EIF4ENIF1: variants seen among roughly 807,000 people sequenced by gnomAD.
The protein encoded by EIF4ENIF1 is eukaryotic translation initiation factor 4E transporter.
EIF4ENIF1 carries 23 observed loss-of-function variants against 110.5 expected under a neutral mutation model. That is an observed-to-expected ratio of 0.21 (90% confidence interval 0.15 to 0.29). The LOEUF (loss-of-function observed/expected upper bound fraction) is 0.29. EIF4ENIF1 is among the 10% of genes least tolerant of loss of function. The pLI is 1.00. For missense variants in EIF4ENIF1, 1,031 were observed against 1,221.1 expected (o/e 0.84, Z 2.32); for synonymous variants, 440 against 437.0 (o/e 1.01, Z -0.09).
intron 2 of EIF4ENIF1, among the ~76,000 whole-genome samples, chr22:31,474,956 G>A (rs1304219251): frequency 1.3e-5 from 2 of 152,116 alleles, no homozygotes; most frequent in Non-Finnish European, 2.9e-5. Context: ...TCAACATCTT[G>A]GGGTGAGGAT....
Position 31,444,677 on chromosome 22 carries a change from T to C in EIF4ENIF1, c.2002A>G (p.Thr668Ala). The change falls in exon 15 of 19, where the codon ACC (threonine) becomes GCC (alanine). Residue 668 changes from threonine to alanine, a missense_variant. Physicochemically the swap from Thr to Ala is moderately conservative, Grantham distance 58 (BLOSUM62 0). This residue lies in a region of EIF4ENIF1 where 704 missense variants were observed against 879.7 expected (regional missense o/e 0.80). Coordinates refer to ENST00000330125, the MANE Select transcript of EIF4ENIF1 (RefSeq NM_019843.4). ...DGFRNRQQRV[T>A]KSPAPVHRGN... ...CGATGCACGGGTGCTGGTGACTTGGTCACTCGCTGTTGCCTGTGAACAAAC... is the reference window on the plus strand; with the variant it reads ...CGATGCACGGGTGCTGGTGACTTGGCCACTCGCTGTTGCCTGTGAACAAAC... The C allele has an allele frequency of 1.2e-6, 2 of 1,614,094 alleles. No homozygotes were observed. The highest frequency in any genetic ancestry group is 1.3e-5 in the African/African-American group (1 of 75,042).
upstream of EIF4ENIF1, among the ~76,000 whole-genome samples, chr22:31,492,216 C>T (rs866743180): frequency 5.9e-5 from 9 of 152,308 alleles, no homozygotes; most frequent in African/African-American, 2.2e-4. Flanking sequence ...CATATAGTTG[C>T]TGTATTGCCT....
chr22:31,477,684 A>C lies in EIF4ENIF1; in HGVS notation c.97-5767T>G, dbSNP rs1254791241. Reference sequence around the variant, plus strand: ...CACTGACATTAACCACACCAGCAACATTATTTGTGCCAGGGCGCACTTTTG... The same window carrying C: ...CACTGACATTAACCACACCAGCAACCTTATTTGTGCCAGGGCGCACTTTTG... On this transcript the variant is annotated intron_variant, in intron 2 of 18. Transcript: ENST00000330125. 2.6e-5 allele frequency among the ~76,000 whole-genome samples: 4 copies of C among 152,352 alleles called. No homozygotes were observed. The East Asian group carries it at 7.7e-4, about 29-fold the overall frequency.
chr22:31,487,311 C>G lies in EIF4ENIF1; in HGVS notation c.96+1312G>C, dbSNP rs77732820. 6.3e-3 allele frequency among the ~76,000 whole-genome samples: 962 copies of G among 152,318 alleles called. 13 individuals are homozygous for G. Among genetic ancestry groups the G allele is most frequent in the African/African-American group, 0.022 (906 of 41,564 alleles). On this transcript the variant is annotated intron_variant, in intron 2 of 18. Transcript: ENST00000330125. ...TCCTAAGAGAGCAATCAACCAAGAA[C>G]ACTTTACACCTGAAAACATTTCTCT...
intron 4 of EIF4ENIF1, among the ~76,000 whole-genome samples, chr22:31,464,726 A>ATT (rs796108181): frequency 0.17 from 9,802 of 57,160 alleles, 2,403 homozygotes; most frequent in Admixed American, 0.26. Flanking sequence ...ATATATATAT[A>ATT]AACAGATATA....
chr22:31,466,950 G>A (rs1006834720), intron 4 of EIF4ENIF1, among the ~76,000 whole-genome samples: 4 of 152,112 alleles, frequency 2.6e-5, no homozygotes, highest in Admixed American at 6.6e-5. Context: ...GTTCTGTTGT[G>A]TACTTTTACA....
chr22:31,448,017 G>C, intron 13 of EIF4ENIF1, 136 bp downstream of exon 13: 1 of 944,476 alleles, frequency 1.1e-6, no homozygotes, highest in South Asian at 1.5e-5. Context: ...CCAAAGTGCT[G>C]GGATTACGGG....
chr22:31,470,774 C>A (rs1165536475), intron 3 of EIF4ENIF1, among the ~76,000 whole-genome samples: 1 of 150,202 alleles, frequency 6.7e-6, no homozygotes, highest in African/African-American at 2.5e-5. Flanking sequence ...CCTCAAGCTC[C>A]TGGGCTCAAG....
Position 31,439,710 on chromosome 22 carries a change from G to C in EIF4ENIF1, c.*170C>G. 6 of 887,890 alleles carry C rather than the reference G, an allele frequency of 6.8e-6. No individual in the cohort carries two copies. Among genetic ancestry groups the C allele is most frequent in the Non-Finnish European group, 1.0e-5 (6 of 600,458 alleles). The allele number at this position is 887,890 out of a possible 1,614,324, so 55.0% of individuals were successfully genotyped here. ...CAGACAATGTACACTCCACTCGACT[G>C]GTTAAGATCCTTCCATCATAATGCG... is the stretch of plus-strand genomic sequence containing the variant. On this transcript the variant is annotated 3_prime_UTR_variant, in exon 19 of 19. Transcript: ENST00000330125.
At chr22:31,482,946 C>T (rs1010590738) in intron 2 of EIF4ENIF1, among the ~76,000 whole-genome samples, 3 of 151,502 alleles carry the variant, frequency 2.0e-5, no homozygotes, top group Non-Finnish European at 4.4e-5. Flanking sequence ...ATTGCTTGAA[C>T]CCGGGAGGCA....
chr22:31,476,975 T>C (rs2051597302), intron 2 of EIF4ENIF1, among the ~76,000 whole-genome samples: 3 of 140,858 alleles, frequency 2.1e-5, no homozygotes, highest in Non-Finnish European at 1.5e-5. Flanking sequence ...AGGGAGACCC[T>C]GTCTCAAAAA....
Position 31,463,770 on chromosome 22 carries a change from A to T in EIF4ENIF1, c.496T>A (p.Phe166Ile). ...TCGCTAAGACGGTGATCCTTCTCAA[A>T]GGTCCGGGCAGAGATTATCCTCCCA... ...GSGRIISART[F>I]EKDHRLSDKD... is the part of the protein sequence containing the mutation. Residue 166 changes from phenylalanine to isoleucine, a missense_variant, in exon 5 of 19, where the codon TTT becomes ATT. Phe to Ile is a conservative substitution (Grantham distance 21, BLOSUM62 0). This residue lies in a region of EIF4ENIF1 where 704 missense variants were observed against 879.7 expected (regional missense o/e 0.80). Coordinates refer to ENST00000330125, the MANE Select transcript of EIF4ENIF1 (RefSeq NM_019843.4). 2 of 1,613,874 alleles carry T rather than the reference A, an allele frequency of 1.2e-6. No individual in the cohort carries two copies. The highest frequency in any genetic ancestry group is 1.7e-6 in the Non-Finnish European group (2 of 1,180,000).
At chr22:31,456,377 C>T (rs1244802531) in intron 7 of EIF4ENIF1, among the ~76,000 whole-genome samples, 2 of 151,928 alleles carry the variant, frequency 1.3e-5, no homozygotes, top group Non-Finnish European at 2.9e-5. Flanking sequence ...GCGCCTGCCA[C>T]CACGCCCGGC....
intron 9 of EIF4ENIF1, 81 bp downstream of exon 9, chr22:31,455,055 G>GA: frequency 5.7e-6 from 7 of 1,234,148 alleles, no homozygotes; most frequent in Non-Finnish European, 7.7e-6. Context: ...ATGAAACAGA[G>GA]GTTATGTTAG....
intron 3 of EIF4ENIF1, among the ~76,000 whole-genome samples, chr22:31,470,794 C>T (rs1200261401): frequency 1.3e-5 from 2 of 150,210 alleles, no homozygotes; most frequent in East Asian, 2.0e-4. Flanking sequence ...GCAAACCTCT[C>T]GCTTTGGCCT....
intron 1 of EIF4ENIF1, among the ~76,000 whole-genome samples, chr22:31,488,968 G>A (rs557698429): frequency 2.4e-4 from 36 of 152,294 alleles, no homozygotes; most frequent in African/African-American, 8.4e-4. Flanking sequence ...AAAAGTAGAA[G>A]GTGCCCAATT....
At chr22:31,475,400 T>C (rs750172148) in intron 2 of EIF4ENIF1, among the ~76,000 whole-genome samples, 14 of 151,116 alleles carry the variant, frequency 9.3e-5, no homozygotes, top group Non-Finnish European at 1.9e-4. Context: ...AGTCCAGGAG[T>C]TCAAGATCAG....
intron 2 of EIF4ENIF1, among the ~76,000 whole-genome samples, chr22:31,472,577 T>A (rs979933670): frequency 6.6e-6 from 1 of 152,080 alleles, no homozygotes; most frequent in African/African-American, 2.4e-5. Context: ...GGGCGATAGT[T>A]TTTTTTAAAT....
chr22:31,488,050 C>T (rs568091524), intron 2 of EIF4ENIF1, among the ~76,000 whole-genome samples: 127 of 152,280 alleles, frequency 8.3e-4, no homozygotes, highest in African/African-American at 2.9e-3. Flanking sequence ...ATGACTTCCT[C>T]TCTCTCCCAA....
Sources: gnomAD v4.1 joint callset for allele counts (sites outside exome capture counted in the v4.1 genomes callset) on GRCh38, gnomAD v4.1.1 for gene constraint, gnomAD v4.1.1 regional missense constraint, MANE v1.5 for transcripts, NCBI Gene and HGNC (gene_info 2026-07-23, HGNC 2026-07-21) for gene names.